The following USP24 variants were observed in gnomAD, a reference collection of about 807,000 sequenced individuals.
USP24 encodes the protein ubiquitin carboxyl-terminal hydrolase 24.
A neutral mutation model predicts 361.6 loss-of-function variants in USP24; 97 were observed. The ratio of observed to expected loss-of-function variants is 0.27; its 90% CI spans 0.23 to 0.32. The LOEUF (loss-of-function observed/expected upper bound fraction) is 0.32, where lower values mean the gene tolerates loss of function less well. USP24 is among the 10% of genes least tolerant of loss of function. The pLI is 1.00. For synonymous variants in USP24, 1,098 were observed against 1,124.6 expected, an observed-to-expected ratio of 0.98 and a Z score of 0.47; for missense variants, 2,353 against 3,165.6, an observed-to-expected ratio of 0.74 and a Z score of 6.16.
rs748481071 is a variant in USP24, at chr1:55,146,914, A to G, written c.2250+15T>C. On this transcript the variant is annotated intron_variant, in intron 19 of 67. Coordinates refer to ENST00000294383, the MANE Select transcript of USP24 (RefSeq NM_015306.3). ...ATATTTCTGCCTTACTTTATCCACAATACCACCTTCTTACCTCTCTATCTA... is the reference window on the plus strand; with the variant it reads ...ATATTTCTGCCTTACTTTATCCACAGTACCACCTTCTTACCTCTCTATCTA... The G allele has an allele frequency of 2.5e-6, 4 of 1,611,304 alleles. No homozygotes were observed. In the African/African-American group the frequency reaches 4.0e-5, roughly 16 times the overall value.
intron 38 of USP24, among the ~76,000 whole-genome samples, chr1:55,117,742 C>CAAAAA (rs58149121): frequency 4.0e-4 from 27 of 66,788 alleles, no homozygotes; most frequent in South Asian, 7.5e-4. Flanking sequence ...GACTCCGTCT[C>CAAAAA]AAAAAAAAAA....
At chr1:55,153,136 T>C (rs958940892) in intron 16 of USP24, among the ~76,000 whole-genome samples, 2 of 152,246 alleles carry the variant, frequency 1.3e-5, no homozygotes, top group African/African-American at 4.8e-5. Context: ...CTGCTCCAAT[T>C]AGGGCTGCTG....
At chr1:55,182,873 T>C (rs1644016780) in intron 1 of USP24, among the ~76,000 whole-genome samples, 1 of 152,034 alleles carries the variant, frequency 6.6e-6, no homozygotes, top group Admixed American at 6.6e-5. Flanking sequence ...TACCACCATG[T>C]CCAGCTCATT....
chr1:55,118,336 C>T (rs2100585169), intron 38 of USP24, among the ~76,000 whole-genome samples: 1 of 152,174 alleles, frequency 6.6e-6, no homozygotes, highest in South Asian at 2.1e-4. Flanking sequence ...TCAAGGGCAC[C>T]AAAACCATTC....
chr1:55,132,743 A>T, intron 30 of USP24, 43 bp from the exon 31 acceptor site: 1 of 1,563,656 alleles, frequency 6.4e-7, no homozygotes, highest in South Asian at 1.2e-5. Context: ...ACTTAAAAGG[A>T]CAAATTAAAG....
At position 55,079,639 on chromosome 1, in the gene USP24, G is replaced by A. The variant is rs1645102464; in HGVS notation, c.7099C>T (p.Arg2367Ter). The A allele has an allele frequency of 1.9e-6, 3 of 1,539,574 alleles. No individual in the cohort carries two copies. Among genetic ancestry groups the A allele is most frequent in the Non-Finnish European group, 2.6e-6 (3 of 1,155,082 alleles). ...GAGGGAGCAATGCTAATGGGTGGTC[G>A]TTGCTTAAATATGCCAGGAGCTTTA... ...RNVAPGIFKQ[R>*]PPISIAPSSP... The change falls in exon 60 of 68, where the codon CGA (arginine) becomes TGA (stop). Residue 2367 changes from arginine (R) to a stop codon, truncating the protein, a stop_gained. Transcript: ENST00000294383. LOFTEE classifies it high-confidence loss of function.
chr1:55,206,399 T>C (rs970826181), intron 1 of USP24, among the ~76,000 whole-genome samples: 6 of 152,050 alleles, frequency 3.9e-5, no homozygotes, highest in African/African-American at 1.5e-4. Flanking sequence ...AACGACTTAG[T>C]GTTAGACAGG....
rs2100977037 is a variant in USP24, at chr1:55,215,202, C to T, written c.-89G>A. On this transcript the variant is annotated 5_prime_UTR_variant, in exon 1 of 68. Coordinates refer to ENST00000294383, the MANE Select transcript of USP24 (RefSeq NM_015306.3). ...GCCGCGCGGCGCACCCTCCGCGCCG[C>T]CTCCGCGCCCAGGTTGGCCCCTGCG... 1.8e-6 allele frequency: 2 copies of T among 1,104,728 alleles called. No individual in the cohort carries two copies. The highest frequency in any genetic ancestry group is 2.3e-6 in the Non-Finnish European group (2 of 883,588). The allele number at this position is 1,104,728 out of a possible 1,614,324, so 68.4% of individuals were successfully genotyped here.
chr1:55,187,659 T>G (rs1405169117), intron 1 of USP24, among the ~76,000 whole-genome samples: 1 of 152,066 alleles, frequency 6.6e-6, no homozygotes, highest in Non-Finnish European at 1.5e-5. Flanking sequence ...ACACTAACAA[T>G]GGGTAATCCT....
At position 55,153,839 on chromosome 1, in the gene USP24, C is replaced by T. The variant is rs1359120783; in HGVS notation, c.1860+31G>A. 2.6e-6 allele frequency: 4 copies of T among 1,540,560 alleles called. No individual in the cohort carries two copies. In the African/African-American group the frequency reaches 4.1e-5, roughly 16 times the overall value. ...AAAGGAAATTATTAAACTAGTATAC[C>T]TTTTAGTTGGTTCCATCTGCAAATT... On this transcript the variant is annotated intron_variant, in intron 16 of 67. Coordinates refer to ENST00000294383, the MANE Select transcript of USP24 (RefSeq NM_015306.3).
At chr1:55,214,698 C>G (rs1644940610) in intron 1 of USP24, 92 bp downstream of exon 1, 3 of 1,047,984 alleles carry the variant, frequency 2.9e-6, no homozygotes, top group Middle Eastern at 2.6e-4. Context: ...CGAATGCCCT[C>G]TCTCCCCACA....
chr1:55,123,675 T>G, intron 35 of USP24, 73 bp from the exon 36 acceptor site: 1 of 1,404,130 alleles, frequency 7.1e-7, no homozygotes, highest in Non-Finnish European at 9.4e-7. Flanking sequence ...TTTTACTATA[T>G]GTTCCAGAAT....
chr1:55,118,094 A>T (rs1210129457), intron 38 of USP24, among the ~76,000 whole-genome samples: 1 of 152,216 alleles, frequency 6.6e-6, no homozygotes, highest in Non-Finnish European at 1.5e-5. Context: ...TCTCTATGAA[A>T]ATCCCAAAGA....
chr1:55,144,913 G>A (rs540538521), intron 20 of USP24, among the ~76,000 whole-genome samples: 2 of 152,094 alleles, frequency 1.3e-5, no homozygotes, highest in African/African-American at 2.4e-5. Flanking sequence ...CAGCCTGGGC[G>A]ACAAGAGTAA....
chr1:55,180,570 C>T (rs1424457126), intron 1 of USP24, among the ~76,000 whole-genome samples: 1 of 152,186 alleles, frequency 6.6e-6, no homozygotes, highest in Non-Finnish European at 1.5e-5. Flanking sequence ...TGAATCCCAT[C>T]CCCACAGAAT....
At chr1:55,126,250 C>T (rs1646424976) in intron 32 of USP24, among the ~76,000 whole-genome samples, 1 of 152,226 alleles carries the variant, frequency 6.6e-6, no homozygotes, top group Non-Finnish European at 1.5e-5. Context: ...CGGCACCAGG[C>T]AGGTCCCCAC....
chr1:55,134,836 C>T (rs569535788), intron 28 of USP24, among the ~76,000 whole-genome samples: 9 of 152,280 alleles, frequency 5.9e-5, no homozygotes, highest in African/African-American at 1.7e-4. Flanking sequence ...ACAATAAATA[C>T]ATGTAATTTA....
intron 56 of USP24, among the ~76,000 whole-genome samples, chr1:55,085,323 T>G (rs1645228594): frequency 6.6e-6 from 1 of 152,240 alleles, no homozygotes; most frequent in South Asian, 2.1e-4. Context: ...CATCTGCATT[T>G]GAAGCAGTAA....
chr1:55,098,107 C>T (rs1309319463), intron 46 of USP24, 23 bp from the exon 47 acceptor site: 72 of 1,570,628 alleles, frequency 4.6e-5, no homozygotes, highest in Non-Finnish European at 6.2e-5. Flanking sequence ...TAACAGAAAA[C>T]CCACAATCAA....
Sources: allele counts gnomAD v4.1 joint callset (sites outside exome capture counted in the v4.1 genomes callset), GRCh38; gene constraint gnomAD v4.1.1; transcripts MANE v1.5; gene names NCBI Gene and HGNC (gene_info 2026-07-23, HGNC 2026-07-21).